NXPE2: variants seen among roughly 807,000 people sequenced by gnomAD.
NXPE2 encodes neurexophilin and PC-esterase domain family member 2.
A neutral mutation model predicts 34.4 loss-of-function variants in NXPE2; 34 were observed. The observed-to-expected ratio is 0.99, with a 90% CI of 0.75 to 1.31. The LOEUF is 1.31. NXPE2 is among the 40% of genes most tolerant of loss of function. The pLI, the probability that NXPE2 is intolerant of heterozygous loss-of-function variation, is 0.00. For synonymous variants in NXPE2, 235 were observed against 231.3 expected (o/e 1.02, Z -0.15); for missense variants, 649 against 672.5 (o/e 0.97, Z 0.39).
the NXPE2 span, among the ~76,000 whole-genome samples, chr11:114,758,991 A>T: frequency 6.6e-6 from 1 of 152,060 alleles, no homozygotes; most frequent in Non-Finnish European, 1.5e-5. Context: ...TGTTTTAATC[A>T]TCCAAAGAAA....
the NXPE2 span, among the ~76,000 whole-genome samples, chr11:114,805,630 G>A: frequency 6.6e-6 from 1 of 152,216 alleles, no homozygotes; most frequent in Non-Finnish European, 1.5e-5. Flanking sequence ...AGGTGGCAGC[G>A]AGGTTGGGGG....
At chr11:114,587,047 G>A in the NXPE2 span, among the ~76,000 whole-genome samples, 38 of 152,156 alleles carry the variant, frequency 2.5e-4, no homozygotes, top group African/African-American at 8.7e-4. Flanking sequence ...CTAGTGGAAC[G>A]GGAACCCTAT....
At chr11:114,809,948 C>A in the NXPE2 span, among the ~76,000 whole-genome samples, 184 of 148,960 alleles carry the variant, frequency 1.2e-3, no homozygotes, top group Non-Finnish European at 9.0e-4. Flanking sequence ...CTATACTACA[C>A]GGCTACAGTA....
chr11:114,520,258 T>C, the NXPE2 span, among the ~76,000 whole-genome samples: 11 of 152,340 alleles, frequency 7.2e-5, no homozygotes, highest in Admixed American at 3.9e-4. Flanking sequence ...TACACCTCCC[T>C]GTTTTCTCTT....
chr11:114,698,969 T>C (rs1424787868), intron 3 of NXPE2, among the ~76,000 whole-genome samples, 191 bp downstream of exon 3: 1 of 152,182 alleles, frequency 6.6e-6, no homozygotes, highest in Non-Finnish European at 1.5e-5. Flanking sequence ...AACTATTTGC[T>C]GACAGGAGTA....
chr11:114,616,184 A>T, the NXPE2 span, among the ~76,000 whole-genome samples: 2 of 147,790 alleles, frequency 1.4e-5, no homozygotes, highest in South Asian at 2.2e-4. Flanking sequence ...ATGATAAGTA[A>T]TGTCTCATGA....
chr11:114,728,149 C>G, the NXPE2 span, among the ~76,000 whole-genome samples: 32 of 152,064 alleles, frequency 2.1e-4, no homozygotes, highest in Non-Finnish European at 2.4e-4. Flanking sequence ...AATTGCACAT[C>G]TCTCACTATA....
rs950419385 is a variant in NXPE2 at position 114,700,474 on chromosome 11, A to T, written c.866+1696A>T. Among the ~76,000 whole-genome samples the T allele has an allele frequency of 3.9e-5, 6 of 152,082 alleles. No homozygotes were observed. In the South Asian group the frequency reaches 1.2e-3, roughly 32 times the overall value. On this transcript the variant is annotated intron_variant, in intron 3 of 5. Coordinates refer to ENST00000389586, the MANE Select transcript of NXPE2 (RefSeq NM_182495.6). ...GGACCTGAGGCAAGAGCATGTTGGAATGTTCTAGGAACCATGGTGGAGGTG... is the reference window on the plus strand; with the variant it reads ...GGACCTGAGGCAAGAGCATGTTGGATTGTTCTAGGAACCATGGTGGAGGTG...
At chr11:114,596,176 A>G in the NXPE2 span, among the ~76,000 whole-genome samples, 4 of 152,178 alleles carry the variant, frequency 2.6e-5, no homozygotes, top group African/African-American at 9.7e-5. Context: ...TTTCAATACA[A>G]TTTGCTGAAT....
chr11:114,623,096 T>A, the NXPE2 span, among the ~76,000 whole-genome samples: 2 of 152,116 alleles, frequency 1.3e-5, no homozygotes, highest in Non-Finnish European at 2.9e-5. Flanking sequence ...ATAATTAGCG[T>A]TGCCTGGCGG....
At chr11:114,534,134 C>T in the NXPE2 span, among the ~76,000 whole-genome samples, 4 of 152,142 alleles carry the variant, frequency 2.6e-5, no homozygotes, top group South Asian at 2.1e-4. Context: ...AACCAATATC[C>T]GCTGTTCTGC....
At chr11:114,490,060 T>C in the NXPE2 span, among the ~76,000 whole-genome samples, 1 of 152,034 alleles carries the variant, frequency 6.6e-6, no homozygotes, top group African/African-American at 2.4e-5. Context: ...TATACACCAA[T>C]AACAGACAAA....
chr11:114,741,492 C>A, the NXPE2 span, among the ~76,000 whole-genome samples: 15 of 152,224 alleles, frequency 9.9e-5, no homozygotes, highest in African/African-American at 3.4e-4. Flanking sequence ...ATCCCATAGA[C>A]TTTCTTCACT....
Position 114,705,791 on chromosome 11 carries a change from C to T in NXPE2, c.939C>T (p.Asn313=). 6.8e-7 allele frequency: 1 copy of T among 1,466,290 alleles called. No individual in the cohort carries two copies. The highest frequency in any genetic ancestry group is 1.5e-5 in the African/African-American group (1 of 68,500). The allele number at this position is 1,466,290 out of a possible 1,614,324, so 90.8% of individuals were successfully genotyped here. The change falls in exon 5 of 6, where the codon AAC becomes AAT. Residue 313 remains asparagine (N), a synonymous_variant. Transcript: ENST00000389586. ...AATTTGTATTGCCAGAGAGCGAGAA[C>T]ATAAAAAAGAACTGCCAGATTGGAA... ...IEVIPCNKSE[N]IKKNCQIGMK...
the NXPE2 span, among the ~76,000 whole-genome samples, chr11:114,594,365 A>G: frequency 5.3e-5 from 8 of 152,178 alleles, no homozygotes; most frequent in Non-Finnish European, 7.4e-5. Flanking sequence ...AACCAAAAAT[A>G]TAGATATTCT....
At chr11:114,568,194 C>A in the NXPE2 span, among the ~76,000 whole-genome samples, 19 of 151,910 alleles carry the variant, frequency 1.3e-4, 1 homozygote, top group Admixed American at 2.6e-4. Flanking sequence ...TCTTCTTTTT[C>A]TTTTCTTAAA....
the NXPE2 span, among the ~76,000 whole-genome samples, chr11:114,717,774 T>C: frequency 2.6e-5 from 4 of 152,136 alleles, no homozygotes; most frequent in African/African-American, 4.8e-5. Flanking sequence ...TCTCGACAGC[T>C]CTCTGTGTAA....
At chr11:114,608,397 A>G in the NXPE2 span, among the ~76,000 whole-genome samples, 4 of 151,966 alleles carry the variant, frequency 2.6e-5, no homozygotes, top group East Asian at 7.8e-4. Flanking sequence ...CCTCATGGGT[A>G]ACCACTGTTA....
the NXPE2 span, among the ~76,000 whole-genome samples, chr11:114,799,524 G>C: frequency 1.3e-5 from 2 of 152,144 alleles, no homozygotes; most frequent in African/African-American, 4.8e-5. Context: ...GGGAGAAGGA[G>C]CCAAGGAGGA....
Sources: allele counts gnomAD v4.1 joint callset (sites outside exome capture counted in the v4.1 genomes callset), GRCh38; gene constraint gnomAD v4.1.1; transcripts MANE v1.5; gene names NCBI Gene and HGNC (gene_info 2026-07-23, HGNC 2026-07-21).